RANBP9: variants seen among roughly 807,000 people sequenced by gnomAD.
RANBP9 encodes the protein RAN binding protein 9.
RANBP9 carries 15 observed loss-of-function variants against 84.3 expected under a neutral mutation model. The observed-to-expected ratio is 0.18, with a 90% CI of 0.12 to 0.27. The LOEUF is 0.27. Ranked by LOEUF, RANBP9 falls within the 10% of genes least tolerant of loss-of-function variation. RANBP9 has a pLI of 1.00. For missense variants in RANBP9, 809 were observed against 912.8 expected (o/e 0.89, Z 1.46); for synonymous variants, 392 against 349.6 (o/e 1.12, Z -1.35).
intron 2 of RANBP9, among the ~76,000 whole-genome samples, chr6:13,693,011 C>T (rs551812305): frequency 6.6e-6 from 1 of 152,330 alleles, no homozygotes; most frequent in African/African-American, 2.4e-5. Flanking sequence ...TCTGTAGGGT[C>T]ATGTTGGCAG....
chr6:13,647,094 A>C (rs957261039), intron 5 of RANBP9, among the ~76,000 whole-genome samples: 5 of 152,234 alleles, frequency 3.3e-5, no homozygotes, highest in African/African-American at 1.2e-4. Context: ...AAACTGACAT[A>C]ATCTTTTAAC....
At position 13,646,177 on chromosome 6, in the gene RANBP9, G is replaced by A. The variant is rs149568742; in HGVS notation, c.928-1448C>T. ...GTAATCCCAGCACTTTGGGAGGCTGGGGCAGGTAGATCACCTCAGGTCAGG... is the reference window on the plus strand; with the variant it reads ...GTAATCCCAGCACTTTGGGAGGCTGAGGCAGGTAGATCACCTCAGGTCAGG... On this transcript the variant is annotated intron_variant, in intron 5 of 13. Transcript: ENST00000011619. 3.1e-3 allele frequency among the ~76,000 whole-genome samples: 478 copies of A among 152,074 alleles called. 3 individuals are homozygous for A. The highest frequency in any genetic ancestry group is 0.011 in the African/African-American group (466 of 41,508).
intron 1 of RANBP9, among the ~76,000 whole-genome samples, 200 bp downstream of exon 1, chr6:13,710,729 CTTCCTT>C (rs2113378260): frequency 1.3e-5 from 2 of 152,338 alleles, no homozygotes; most frequent in East Asian, 3.9e-4. Context: ...TTCTACTCAC[CTTCCTT>C]TTCCAAGAAT....
chr6:13,704,389 AG>A (rs1758047906), intron 1 of RANBP9, among the ~76,000 whole-genome samples: 1 of 152,138 alleles, frequency 6.6e-6, no homozygotes, highest in Non-Finnish European at 1.5e-5. Flanking sequence ...GCACTTTGGG[AG>A]GCTAAGGCAG....
chr6:13,654,249 A>AT (rs1393063342), intron 4 of RANBP9, among the ~76,000 whole-genome samples: 1 of 152,220 alleles, frequency 6.6e-6, no homozygotes, highest in East Asian at 1.9e-4. Flanking sequence ...ACAAGATGGC[A>AT]TAACTATTTG....
intron 10 of RANBP9, among the ~76,000 whole-genome samples, chr6:13,634,958 A>C (rs1764899933): frequency 1.3e-5 from 2 of 152,066 alleles, no homozygotes; most frequent in African/African-American, 4.8e-5. Context: ...GTAAGGGGAA[A>C]ACCTCACTCT....
chr6:13,673,051 G>C (rs1584935118), intron 2 of RANBP9, among the ~76,000 whole-genome samples: 1 of 152,060 alleles, frequency 6.6e-6, no homozygotes, highest in Non-Finnish European at 1.5e-5. Flanking sequence ...AATCCAGAAA[G>C]CTCAGAAAAC....
At chr6:13,667,234 T>C (rs1765671596) in intron 2 of RANBP9, among the ~76,000 whole-genome samples, 3 of 152,216 alleles carry the variant, frequency 2.0e-5, no homozygotes, top group African/African-American at 7.2e-5. Flanking sequence ...TTAATTCCTA[T>C]TATTGATAGG....
chr6:13,664,008 A>G (rs1239425532), intron 2 of RANBP9, among the ~76,000 whole-genome samples: 5 of 152,136 alleles, frequency 3.3e-5, no homozygotes, highest in Non-Finnish European at 5.9e-5. Context: ...ATTCAACACC[A>G]TACTACAAAT....
intron 10 of RANBP9, among the ~76,000 whole-genome samples, chr6:13,637,530 G>A (rs1764966806): frequency 6.6e-6 from 1 of 152,176 alleles, no homozygotes; most frequent in South Asian, 2.1e-4. Flanking sequence ...TGGCTGGCAG[G>A]AAGACAATGC....
At chr6:13,682,530 G>A (rs1341091728) in intron 2 of RANBP9, among the ~76,000 whole-genome samples, 1 of 151,448 alleles carries the variant, frequency 6.6e-6, no homozygotes, top group African/African-American at 2.4e-5. Context: ...TTGGCTCCAT[G>A]CAACCTCCGC....
chr6:13,632,961 T>C (rs1653032130), intron 11 of RANBP9, among the ~76,000 whole-genome samples: 1 of 150,560 alleles, frequency 6.6e-6, no homozygotes, highest in Non-Finnish European at 1.5e-5. Context: ...ACAATAAAAA[T>C]ACAGAAGACA....
chr6:13,671,254 CA>C (rs1765773107), intron 2 of RANBP9, among the ~76,000 whole-genome samples: 1 of 152,112 alleles, frequency 6.6e-6, no homozygotes, highest in Non-Finnish European at 1.5e-5. Context: ...GGCAGCTCCT[CA>C]AAAAGTTAAT....
At chr6:13,706,215 GC>G (rs1758116539) in intron 1 of RANBP9, among the ~76,000 whole-genome samples, 1 of 152,094 alleles carries the variant, frequency 6.6e-6, no homozygotes, top group Non-Finnish European at 1.5e-5. Context: ...GTCGCGGCGG[GC>G]ACCTGTAGTC....
At chr6:13,687,774 C>G (rs1423065088) in intron 2 of RANBP9, among the ~76,000 whole-genome samples, 1 of 152,188 alleles carries the variant, frequency 6.6e-6, no homozygotes, top group African/African-American at 2.4e-5. Context: ...CTCTAGAAGT[C>G]AGTCTCAGAT....
chr6:13,671,053 C>T (rs1326248289), intron 2 of RANBP9, among the ~76,000 whole-genome samples: 1 of 152,028 alleles, frequency 6.6e-6, no homozygotes, highest in Non-Finnish European at 1.5e-5. Flanking sequence ...GTATAAATGT[C>T]CAATAAGCAA....
Position 13,634,565 on chromosome 6 carries a change from A to G in RANBP9, c.1674-13T>C, listed in dbSNP as rs1764888410. On this transcript the variant is annotated splice_polypyrimidine_tract_variant and intron_variant, in intron 10 of 13. Transcript: ENST00000011619. Reference sequence around the variant, plus strand: ...GTCTACATCATTACTGAAAACGAAAAAACAAACCTAATTTTAGAAATATCA... The same window carrying G: ...GTCTACATCATTACTGAAAACGAAAGAACAAACCTAATTTTAGAAATATCA... 1.3e-6 allele frequency: 2 copies of G among 1,587,620 alleles called. No homozygotes were observed. Among genetic ancestry groups the G allele is most frequent in the African/African-American group, 2.7e-5 (2 of 74,128 alleles).
At chr6:13,697,754 T>C (rs1757875989) in intron 1 of RANBP9, among the ~76,000 whole-genome samples, 2 of 152,020 alleles carry the variant, frequency 1.3e-5, no homozygotes, top group Admixed American at 1.3e-4. Context: ...GAAGTTGAAG[T>C]AGCATGTCAG....
chr6:13,625,729 C>G lies in RANBP9; in HGVS notation c.1983G>C (p.Trp661Cys), dbSNP rs1307915502. The change falls in exon 13 of 14, where the codon TGG (tryptophan) becomes TGC (cysteine). Residue 661 changes from tryptophan (W) to cysteine (C), a missense_variant. This residue lies in a region of RANBP9 where 233 missense variants were observed against 234.4 expected (regional missense o/e 0.99). Transcript: ENST00000011619. ...CAAGCTGATTTCCAACTGGGCTGTT[C>G]CAGGGATCTGAATATGCTAGTAGAC... is the stretch of plus-strand genomic sequence containing the variant. ...AFSLLAYSDP[W>C]NSPVGNQLDP... The G allele has an allele frequency of 1.2e-6, 2 of 1,612,434 alleles. No homozygotes were observed. Among genetic ancestry groups the G allele is most frequent in the Admixed American group, 1.7e-5 (1 of 59,986 alleles).
Sources: gnomAD v4.1 joint callset for allele counts (sites outside exome capture counted in the v4.1 genomes callset) on GRCh38, gnomAD v4.1.1 for gene constraint, gnomAD v4.1.1 regional missense constraint, MANE v1.5 for transcripts, NCBI Gene and HGNC (gene_info 2026-07-23, HGNC 2026-07-21) for gene names.